LIMS2: variants seen among roughly 807,000 people sequenced by gnomAD.
LIMS2 encodes LIM zinc finger domain containing 2.
LIMS2 carries 30 observed loss-of-function variants against 45.3 expected under a neutral mutation model. The ratio of observed to expected loss-of-function variants is 0.66; its 90% CI spans 0.50 to 0.90. LIMS2 has a LOEUF of 0.90. Among genes scored for constraint, LIMS2 ranks in the 40% least tolerant of loss-of-function variants. The probability of loss-of-function intolerance (pLI) is 0.00; values close to 1 mark genes in which losing one functional copy is unlikely to be tolerated. For synonymous variants in LIMS2, 173 were observed against 188.0 expected (o/e 0.92, Z 0.65); for missense variants, 485 against 468.7 (o/e 1.03, Z -0.32).
At position 127,664,031 on chromosome 2, in the gene LIMS2, C is replaced by T. The variant is rs72843397; in HGVS notation, c.12-6469G>A. ...CTATAAAGTGCAGCATGATCACCCC[C>T]GTCTGAAAGCAGTGCTGGGGGCTAC... On this transcript the variant is annotated intron_variant, in intron 1 of 9. Coordinates refer to ENST00000355119, the MANE Select transcript of LIMS2 (RefSeq NM_001161403.3). This position sits in a 1 kb window ranked among gnomAD's most constrained non-coding sequence, Gnocchi z 5.5. Among the ~76,000 whole-genome samples the T allele has an allele frequency of 0.023, 3,548 of 152,266 alleles. 60 individuals carry two copies. Among genetic ancestry groups the T allele is most frequent in the Middle Eastern group, 0.088 (26 of 294 alleles).
Position 127,643,025 on chromosome 2 carries a change from C to T in LIMS2, c.407G>A (p.Gly136Asp). ...CHNREKAKGLGKYICQRCHLV... is the reference protein window; with the variant it reads ...CHNREKAKGLDKYICQRCHLV... Reference sequence around the variant, plus strand: ...GTGGCACCGCTGGCAGATGTACTTGCCCAGGCCCTTGGCCTTCTCACGGTT... The same window carrying T: ...GTGGCACCGCTGGCAGATGTACTTGTCCAGGCCCTTGGCCTTCTCACGGTT... Residue 136 changes from glycine (G) to aspartate (D), a missense_variant, in exon 5 of 10, where the codon GGC becomes GAC. By Grantham distance (94) the Gly-to-Asp change is moderately conservative (BLOSUM62 -1). Transcript: ENST00000355119. The T allele has an allele frequency of 6.3e-7, 1 of 1,587,768 alleles. No homozygotes were observed. Among genetic ancestry groups the T allele is most frequent in the Non-Finnish European group, 8.6e-7 (1 of 1,167,460 alleles).
At chr2:127,659,222 A>T (rs2105309405) in intron 1 of LIMS2, among the ~76,000 whole-genome samples, 1 of 152,340 alleles carries the variant, frequency 6.6e-6, no homozygotes, top group Non-Finnish European at 1.5e-5. Context: ...AGGCCATTCA[A>T]CCAGGCTTTC....
chr2:127,641,739 A>T, intron 6 of LIMS2: 1 of 304,008 alleles, frequency 3.3e-6, no homozygotes, highest in South Asian at 6.7e-5. Context: ...CACAACCCCC[A>T]GGCACTCTGG....
chr2:127,663,576 C>T (rs904116336), intron 1 of LIMS2, among the ~76,000 whole-genome samples: 1 of 152,124 alleles, frequency 6.6e-6, no homozygotes, highest in Non-Finnish European at 1.5e-5. Flanking sequence ...GCTCCTGGGT[C>T]CTCCAGGCCC....
intron 1 of LIMS2, among the ~76,000 whole-genome samples, chr2:127,673,081 C>T (rs114566426): frequency 0.015 from 2,264 of 152,322 alleles, 67 homozygotes; most frequent in African/African-American, 0.052. Context: ...CAGACTGGCC[C>T]GGCCCAATCC....
intron 4 of LIMS2, among the ~76,000 whole-genome samples, chr2:127,645,580 C>A (rs1216750238): frequency 6.6e-6 from 1 of 152,212 alleles, no homozygotes; most frequent in East Asian, 1.9e-4. Context: ...GACAGGACAG[C>A]GCCCCATTAT....
At chr2:127,666,432 C>T (rs1685003896) in intron 1 of LIMS2, among the ~76,000 whole-genome samples, 1 of 137,094 alleles carries the variant, frequency 7.3e-6, no homozygotes, top group Non-Finnish European at 1.6e-5. Context: ...TTAACTTATC[C>T]TAGTCCCTTA....
chr2:127,650,642 A>C, intron 4 of LIMS2: 1 of 1,060,718 alleles, frequency 9.4e-7, no homozygotes, highest in Admixed American at 2.2e-5. Flanking sequence ...TGGAGGCCTG[A>C]CTTCTGGACT....
intron 4 of LIMS2, among the ~76,000 whole-genome samples, chr2:127,649,083 GAAAAAAA>G (rs1381537731): frequency 8.0e-6 from 1 of 124,806 alleles, no homozygotes; most frequent in Admixed American, 8.2e-5. Context: ...AAAAAGAAAA[GAAAAAAA>G]GAAAAAAGAA....
intron 1 of LIMS2, among the ~76,000 whole-genome samples, chr2:127,661,480 G>A (rs904994461): frequency 6.6e-6 from 1 of 152,206 alleles, no homozygotes; most frequent in African/African-American, 2.4e-5. Flanking sequence ...GAGGTCAGAG[G>A]GTCAGAGACG....
At chr2:127,678,457 T>C (rs1475762473), upstream of LIMS2, among the ~76,000 whole-genome samples, 1 of 152,164 alleles carries the variant, frequency 6.6e-6, no homozygotes, top group Non-Finnish European at 1.5e-5. This position sits in a 1 kb window ranked among gnomAD's most constrained non-coding sequence, Gnocchi z 5.3. Flanking sequence ...CTAGCTGCTG[T>C]GTGGCCACTG....
chr2:127,641,301 G>A (rs754611800), intron 6 of LIMS2: 29 of 274,360 alleles, frequency 1.1e-4, no homozygotes, highest in Non-Finnish European at 1.9e-4. Context: ...CCTCCCCCTC[G>A]GCAGCCTCAG....
chr2:127,679,669 C>T (rs557529801), upstream of LIMS2, among the ~76,000 whole-genome samples: 3 of 152,230 alleles, frequency 2.0e-5, no homozygotes, highest in East Asian at 5.8e-4. The surrounding 1 kb of genome is among the most constrained non-coding windows in gnomAD (Gnocchi z 5.3). Flanking sequence ...CAGGGCCCAA[C>T]GCTCGTGGGA....
At chr2:127,640,226 C>T (rs753027556) in intron 8 of LIMS2, 44 bp downstream of exon 8, 6 of 1,612,818 alleles carry the variant, frequency 3.7e-6, no homozygotes, top group Non-Finnish European at 5.1e-6. Context: ...GCACCCAGGC[C>T]CCAGGAGAGC....
intron 4 of LIMS2, among the ~76,000 whole-genome samples, chr2:127,645,447 C>T (rs558734854): frequency 8.8e-4 from 134 of 152,342 alleles, no homozygotes; most frequent in African/African-American, 2.8e-3. Flanking sequence ...CATTCAAAGG[C>T]ACCCCAGCCC....
chr2:127,673,591 G>A (rs1685370705), intron 1 of LIMS2: 5 of 1,349,220 alleles, frequency 3.7e-6, no homozygotes, highest in East Asian at 2.5e-5. Context: ...GTGGCACCTC[G>A]GGGCCTCCCA....
chr2:127,651,273 G>A (rs1159607086), intron 4 of LIMS2: 13 of 1,606,702 alleles, frequency 8.1e-6, no homozygotes, highest in Non-Finnish European at 8.5e-6. Flanking sequence ...CCACACGGTG[G>A]TCTGCCTGCA....
At chr2:127,661,016 C>G (rs1244131989) in intron 1 of LIMS2, among the ~76,000 whole-genome samples, 1 of 151,606 alleles carries the variant, frequency 6.6e-6, no homozygotes, top group African/African-American at 2.4e-5. Context: ...AACAGCAGCT[C>G]TGTGAGGGAA....
intron 7 of LIMS2, 191 bp downstream of exon 7, chr2:127,640,705 G>A: frequency 1.6e-6 from 1 of 610,164 alleles, no homozygotes; most frequent in East Asian, 2.7e-5. Context: ...TTCTTCAAAG[G>A]AAGACACTGA....
Sources: gnomAD v4.1 joint callset for allele counts (sites outside exome capture counted in the v4.1 genomes callset) on GRCh38, gnomAD v4.1.1 for gene constraint, Gnocchi (gnomAD v3.1) non-coding constraint, MANE v1.5 for transcripts, NCBI Gene and HGNC (gene_info 2026-07-23, HGNC 2026-07-21) for gene names.